PDK1: variants seen among roughly 807,000 people sequenced by gnomAD.
PDK1 encodes [Pyruvate dehydrogenase (acetyl-transferring)] kinase isozyme 1, mitochondrial.
PDK1 carries 39 observed loss-of-function variants against 54.2 expected under a neutral mutation model. The observed-to-expected ratio is 0.72, with a 90% CI of 0.56 to 0.94. The LOEUF (loss-of-function observed/expected upper bound fraction) is 0.94, where lower values mean the gene tolerates loss of function less well. PDK1 is among the 40% of genes least tolerant of loss of function. The probability of loss-of-function intolerance (pLI) is 0.00; values close to 1 mark genes in which losing one functional copy is unlikely to be tolerated. For synonymous variants in PDK1, 221 were observed against 207.1 expected, an observed-to-expected ratio of 1.07 and a Z score of -0.58; for missense variants, 552 against 566.0, an observed-to-expected ratio of 0.98 and a Z score of 0.25.
At chr2:172,578,584 A>AT (rs1386835701) in intron 8 of PDK1, among the ~76,000 whole-genome samples, 1 of 149,812 alleles carries the variant, frequency 6.7e-6, no homozygotes, top group Non-Finnish European at 1.5e-5. Flanking sequence ...TTATTGACTG[A>AT]TTTTTCCTTG....
At chr2:172,563,614 G>A (rs939181045) in intron 3 of PDK1, among the ~76,000 whole-genome samples, 2 of 152,086 alleles carry the variant, frequency 1.3e-5, no homozygotes, top group African/African-American at 4.8e-5. Flanking sequence ...CGGGCGGATC[G>A]TCTGAGGTCG....
At chr2:172,610,420 G>C (rs190575002), downstream of PDK1, among the ~76,000 whole-genome samples, 16 of 149,606 alleles carry the variant, frequency 1.1e-4, no homozygotes, top group South Asian at 4.2e-4. Context: ...CCACCATGGT[G>C]GGGGGGCTCC....
At position 172,596,276 on chromosome 2, in the gene PDK1, G is replaced by T. The variant is rs531641158; in HGVS notation, c.*307G>T. 4 of 164,434 alleles carry T rather than the reference G, an allele frequency of 2.4e-5. No homozygotes were observed. The highest frequency in any genetic ancestry group is 1.9e-4 in the South Asian group (1 of 5,184). 10.2% of individuals were successfully genotyped at this position (164,434 alleles called of 1,614,324 possible). On this transcript the variant is annotated 3_prime_UTR_variant, in exon 11 of 11. Transcript: ENST00000282077. ...ATCTTCGGGTTTCTATAGGAAACTA[G>T]TTTTTTTTTTTTAAGAAATACTTTC...
the PDK1 span, chr2:172,678,832 C>A: frequency 2.6e-5 from 4 of 152,172 alleles, no homozygotes; most frequent in Non-Finnish European, 5.9e-5. Flanking sequence ...CTTTGAGAAA[C>A]CAGGTTTATC....
chr2:172,558,791 A>G lies in PDK1; in HGVS notation c.280A>G (p.Ile94Val), dbSNP rs1454426747. 8 of 1,612,146 alleles carry G rather than the reference A, an allele frequency of 5.0e-6. No individual in the cohort carries two copies. Among genetic ancestry groups the G allele is most frequent in the Middle Eastern group, 1.7e-4 (1 of 6,058 alleles). ...CAGACTGGCAAATATAATGAAAGAA[A>G]TAAGTCTCCTTCCAGATAATCTTCT... is the stretch of plus-strand genomic sequence containing the variant. ...PVRLANIMKE[I>V]SLLPDNLLRT... Residue 94 changes from isoleucine to valine, a missense_variant, in exon 2 of 11, where the codon ATA (isoleucine) becomes GTA (valine). By Grantham distance (29) the Ile-to-Val change is conservative. Coordinates refer to ENST00000282077, the MANE Select transcript of PDK1 (RefSeq NM_002610.5).
the PDK1 span, among the ~76,000 whole-genome samples, chr2:172,672,584 C>G: frequency 6.6e-6 from 1 of 151,836 alleles, no homozygotes; most frequent in Non-Finnish European, 1.5e-5. Context: ...TGTGGCAACT[C>G]TTCATTGAGC....
chr2:172,712,760 C>A, the PDK1 span, among the ~76,000 whole-genome samples: 1 of 152,170 alleles, frequency 6.6e-6, no homozygotes, highest in African/African-American at 2.4e-5. Flanking sequence ...TCCTTGTTGC[C>A]CACAATGTGG....
the PDK1 span, among the ~76,000 whole-genome samples, chr2:172,691,753 C>G: frequency 6.6e-6 from 1 of 152,194 alleles, no homozygotes; most frequent in South Asian, 2.1e-4. Flanking sequence ...TGGCTCATTT[C>G]TCTTTAGCAC....
chr2:172,578,999 G>C (rs146130098), intron 8 of PDK1, among the ~76,000 whole-genome samples: 88 of 152,302 alleles, frequency 5.8e-4, no homozygotes, highest in Middle Eastern at 6.8e-3. Flanking sequence ...AGAGCAATTA[G>C]AGGTGAGAGC....
At chr2:172,645,260 C>CTTTTTTTTTTTTTTTTTTTTT in the PDK1 span, among the ~76,000 whole-genome samples, 3 of 51,144 alleles carry the variant, frequency 5.9e-5, 1 homozygote, top group Non-Finnish European at 7.0e-5. Flanking sequence ...ACAAAATAGG[C>CTTTTTTTTTTTTTTTTTTTTT]TTTTTTTTTT....
At chr2:172,650,582 C>T in the PDK1 span, among the ~76,000 whole-genome samples, 2 of 152,014 alleles carry the variant, frequency 1.3e-5, no homozygotes, top group Admixed American at 6.6e-5. Flanking sequence ...ATTCAGGAGA[C>T]CCATCTCACG....
chr2:172,684,862 T>TC, the PDK1 span, among the ~76,000 whole-genome samples: 13 of 152,174 alleles, frequency 8.5e-5, no homozygotes, highest in Non-Finnish European at 5.9e-5. Flanking sequence ...CATGTCCCTA[T>TC]CCAAATCTCA....
chr2:172,686,023 A>C, the PDK1 span, among the ~76,000 whole-genome samples: 1 of 152,256 alleles, frequency 6.6e-6, no homozygotes, highest in East Asian at 1.9e-4. Context: ...GAGCTGTGTT[A>C]AGTGCTGGAT....
chr2:172,691,663 C>A, the PDK1 span, among the ~76,000 whole-genome samples: 2 of 152,314 alleles, frequency 1.3e-5, no homozygotes, highest in Admixed American at 6.5e-5. Context: ...TGGAATCGTA[C>A]AATATTTAGT....
chr2:172,623,951 T>C, the PDK1 span, among the ~76,000 whole-genome samples: 24,441 of 152,102 alleles, frequency 0.16, 2,306 homozygotes, highest in African/African-American at 0.25. Flanking sequence ...TTAAAACTTA[T>C]ATAGCTTTGG....
chr2:172,648,951 A>G, the PDK1 span, among the ~76,000 whole-genome samples: 1 of 152,228 alleles, frequency 6.6e-6, no homozygotes, highest in African/African-American at 2.4e-5. Flanking sequence ...CTACAGACTT[A>G]AACATCCCTG....
At chr2:172,626,558 C>A in the PDK1 span, among the ~76,000 whole-genome samples, 1 of 152,194 alleles carries the variant, frequency 6.6e-6, no homozygotes, top group African/African-American at 2.4e-5. Flanking sequence ...CTTTGGGAGT[C>A]CAAGGCAGGA....
intron 9 of PDK1, among the ~76,000 whole-genome samples, chr2:172,587,359 T>C (rs1310731907): frequency 6.6e-6 from 1 of 151,568 alleles, no homozygotes; most frequent in African/African-American, 2.4e-5. Flanking sequence ...AGGCAGGGCG[T>C]CTGGAGTTGT....
the PDK1 span, among the ~76,000 whole-genome samples, chr2:172,696,506 T>C: frequency 3.0e-3 from 458 of 152,332 alleles, 1 homozygote; most frequent in African/African-American, 0.01. Context: ...TCTTTGACAG[T>C]GGGCCATTTT....
Sources: allele counts gnomAD v4.1 joint callset (sites outside exome capture counted in the v4.1 genomes callset), GRCh38; gene constraint gnomAD v4.1.1; transcripts MANE v1.5; gene names NCBI Gene and HGNC (gene_info 2026-07-23, HGNC 2026-07-21).